Variants in SORCS3 observed in about 807,000 individuals in gnomAD.
The protein encoded by SORCS3 is sortilin related VPS10 domain containing receptor 3.
A neutral mutation model predicts 146.3 loss-of-function variants in SORCS3; 57 were observed. The observed-to-expected ratio is 0.39, with a 90% CI of 0.31 to 0.49. The LOEUF is 0.49. SORCS3 is among the 20% of genes least tolerant of loss of function. SORCS3 has a pLI of 0.92. For synonymous variants in SORCS3, 653 were observed against 618.5 expected (o/e 1.06, Z -0.83); for missense variants, 1,341 against 1,575.5 (o/e 0.85, Z 2.52).
chr10:104,957,592 A>C (rs1483113267), intron 3 of SORCS3, among the ~76,000 whole-genome samples: 1 of 146,716 alleles, frequency 6.8e-6, no homozygotes, highest in African/African-American at 2.7e-5. Flanking sequence ...CAGACCTGTC[A>C]CTGGGACAAA....
chr10:104,950,395 C>T (rs949726605), intron 3 of SORCS3, among the ~76,000 whole-genome samples: 8 of 152,144 alleles, frequency 5.3e-5, no homozygotes, highest in African/African-American at 1.4e-4. Flanking sequence ...TGCTTAATCT[C>T]ACCGGACTTT....
chr10:104,822,891 G>A (rs375136501), intron 1 of SORCS3, among the ~76,000 whole-genome samples: 12 of 152,146 alleles, frequency 7.9e-5, no homozygotes, highest in Non-Finnish European at 7.3e-5. Context: ...TATAAATGAG[G>A]TGGCTCTTTA....
intron 3 of SORCS3, among the ~76,000 whole-genome samples, chr10:104,927,530 A>G (rs1362900530): frequency 2.6e-5 from 4 of 152,340 alleles, no homozygotes; most frequent in South Asian, 4.1e-4. Context: ...CTTCTAAGCC[A>G]GGCCTGAAGG....
chr10:105,196,973 T>C (rs2056547693), intron 14 of SORCS3, among the ~76,000 whole-genome samples: 1 of 152,216 alleles, frequency 6.6e-6, no homozygotes, highest in South Asian at 2.1e-4. Context: ...TCCATCTTCC[T>C]GAAGTTCCAG....
At chr10:104,895,660 A>G (rs2018790774) in intron 2 of SORCS3, among the ~76,000 whole-genome samples, 1 of 151,970 alleles carries the variant, frequency 6.6e-6, no homozygotes, top group Admixed American at 6.6e-5. Flanking sequence ...AGCTGTTCTC[A>G]TCCACTACAC....
intron 7 of SORCS3, among the ~76,000 whole-genome samples, chr10:105,107,213 C>A (rs1589635950): frequency 1.3e-5 from 2 of 152,216 alleles, no homozygotes; most frequent in South Asian, 4.1e-4. Context: ...GAACCCACAG[C>A]CTCTGTTAAT....
At chr10:104,735,355 G>A (rs916284821) in intron 1 of SORCS3, among the ~76,000 whole-genome samples, 3 of 151,746 alleles carry the variant, frequency 2.0e-5, no homozygotes, top group East Asian at 1.9e-4. Flanking sequence ...AAATGCAGCC[G>A]GAGATGCGTC....
intron 2 of SORCS3, among the ~76,000 whole-genome samples, chr10:104,859,701 T>C (rs1482688236): frequency 6.6e-6 from 1 of 151,922 alleles, no homozygotes. Flanking sequence ...GAATCTACAA[T>C]GAACTCAAAC....
chr10:105,047,348 C>G (rs1319895092), intron 5 of SORCS3, among the ~76,000 whole-genome samples: 1 of 152,042 alleles, frequency 6.6e-6, no homozygotes, highest in Non-Finnish European at 1.5e-5. Context: ...GTATGGTATC[C>G]TAAAACACGG....
intron 2 of SORCS3, among the ~76,000 whole-genome samples, chr10:104,851,937 T>G (rs61867305): frequency 2.8e-3 from 428 of 152,290 alleles, no homozygotes; most frequent in Admixed American, 5.7e-3. Context: ...GTAAAAGACG[T>G]CTCCTCCCTG....
intron 6 of SORCS3, among the ~76,000 whole-genome samples, chr10:105,102,767 A>G (rs2055794210): frequency 7.0e-6 from 1 of 142,332 alleles, no homozygotes; most frequent in Non-Finnish European, 1.5e-5. Context: ...TTATATTTAA[A>G]TTACCTCTCA....
intron 16 of SORCS3, among the ~76,000 whole-genome samples, chr10:105,201,684 A>G (rs1222458914): frequency 6.6e-6 from 1 of 152,150 alleles, no homozygotes. Context: ...AATGGAGAAC[A>G]ACCTTAAATC....
chr10:104,960,569 G>A (rs1021964649), intron 3 of SORCS3, among the ~76,000 whole-genome samples: 12 of 152,098 alleles, frequency 7.9e-5, no homozygotes, highest in Middle Eastern at 3.4e-3. Context: ...CCTCTTCTGC[G>A]CCCATAATAA....
At chr10:104,810,622 G>A (rs79012954) in intron 1 of SORCS3, among the ~76,000 whole-genome samples, 2,137 of 152,176 alleles carry the variant, frequency 0.014, 31 homozygotes, top group African/African-American at 0.036. Context: ...TAAATCATGT[G>A]GGCATCTGAT....
chr10:105,023,354 G>A (rs1482435254), intron 4 of SORCS3, among the ~76,000 whole-genome samples: 1 of 152,152 alleles, frequency 6.6e-6, no homozygotes, highest in Non-Finnish European at 1.5e-5. Context: ...TGCTGCTCCT[G>A]AAATTGCTTG....
intron 20 of SORCS3, among the ~76,000 whole-genome samples, chr10:105,239,819 C>G (rs1034113105): frequency 1.3e-5 from 2 of 152,210 alleles, no homozygotes; most frequent in Non-Finnish European, 2.9e-5. Flanking sequence ...TTTAATTTAG[C>G]ATTGGGCACC....
intron 3 of SORCS3, among the ~76,000 whole-genome samples, chr10:104,936,277 A>T (rs74155068): frequency 0.053 from 8,093 of 152,294 alleles, 262 homozygotes; most frequent in East Asian, 0.14. Flanking sequence ...CAAGAAAAAA[A>T]AATGGCTAAC....
rs752493779 is a variant in SORCS3, at chr10:105,167,303, G to A, written c.1855G>A (p.Ala619Thr). 2.6e-5 allele frequency: 42 copies of A among 1,613,326 alleles called. 1 individual carries two copies. The South Asian group carries it at 3.1e-4, about 12-fold the overall frequency. ...YNVWFLDWGG[A>T]LVAMKHTPLP... ...TGTCTGGTTCCTAGACTGGGGTGGT[G>A]CCCTCGTGGCCATGAAACACACACC... Residue 619 changes from alanine (A) to threonine (T), a missense_variant, in exon 13 of 27, where the codon GCC (alanine) becomes ACC (threonine). Physicochemically the swap from Ala to Thr is moderately conservative, Grantham distance 58. Transcript: ENST00000369701.
chr10:104,977,234 C>G, intron 3 of SORCS3, 101 bp from the exon 4 acceptor site: 2 of 900,890 alleles, frequency 2.2e-6, no homozygotes, highest in African/African-American at 1.7e-5. Context: ...CCTTTATGTG[C>G]TATGGTGTAC....
Sources: gnomAD v4.1 joint callset for allele counts (sites outside exome capture counted in the v4.1 genomes callset) on GRCh38, gnomAD v4.1.1 for gene constraint, MANE v1.5 for transcripts, NCBI Gene and HGNC (gene_info 2026-07-23, HGNC 2026-07-21) for gene names.